The following CNTN4 variants were observed in gnomAD, a reference collection of about 807,000 sequenced individuals.
CNTN4 encodes the protein contactin-4.
In CNTN4, 77 loss-of-function variants were observed where a neutral mutation model predicts 122.5. The observed-to-expected ratio is 0.63, with a 90% CI of 0.52 to 0.76. The LOEUF (loss-of-function observed/expected upper bound fraction) is 0.76, where lower values mean the gene tolerates loss of function less well. CNTN4 is among the 30% of genes least tolerant of loss of function. CNTN4 has a pLI of 0.00. For missense variants in CNTN4, 1,256 were observed against 1,259.1 expected, an observed-to-expected ratio of 1.00 and a Z score of 0.04; for synonymous variants, 512 against 447.0, an observed-to-expected ratio of 1.15 and a Z score of -1.83.
intron 3 of CNTN4, among the ~76,000 whole-genome samples, chr3:2,394,760 A>T (rs992743041): frequency 6.7e-6 from 1 of 149,360 alleles, no homozygotes; most frequent in Non-Finnish European, 1.5e-5. Flanking sequence ...AATTGAAAAC[A>T]TGTCTACAAC....
At chr3:2,643,201 T>G (rs2082971891) in intron 4 of CNTN4, among the ~76,000 whole-genome samples, 1 of 152,020 alleles carries the variant, frequency 6.6e-6, no homozygotes. Flanking sequence ...TGAGATGGAG[T>G]CTCTCTCTGT....
chr3:2,380,637 T>C (rs6808240), intron 3 of CNTN4, among the ~76,000 whole-genome samples: 52,571 of 151,920 alleles, frequency 0.35, 10,088 homozygotes, highest in East Asian at 0.55. Flanking sequence ...ATTTACTACA[T>C]TGACTATTGC....
chr3:2,876,557 C>CAGGT (rs2093847125), intron 8 of CNTN4, among the ~76,000 whole-genome samples: 1 of 152,082 alleles, frequency 6.6e-6, no homozygotes, highest in Non-Finnish European at 1.5e-5. Context: ...CCAGCTAAGG[C>CAGGT]AGGTGTTGGC....
At chr3:2,561,491 G>A (rs1296183191) in intron 3 of CNTN4, among the ~76,000 whole-genome samples, 2 of 151,986 alleles carry the variant, frequency 1.3e-5, no homozygotes, top group African/African-American at 2.4e-5. Context: ...AAATCCAAGG[G>A]GTCATGGATT....
intron 7 of CNTN4, chr3:2,866,432 T>G (rs1240317664): frequency 1.7e-6 from 2 of 1,183,002 alleles, no homozygotes; most frequent in African/African-American, 3.2e-5. Context: ...TGAGCATTAC[T>G]CAATACATGT....
intron 4 of CNTN4, among the ~76,000 whole-genome samples, chr3:2,602,388 A>G (rs1361554449): frequency 5.3e-5 from 8 of 152,258 alleles, no homozygotes; most frequent in African/African-American, 1.9e-4. Flanking sequence ...GAAGAACTTC[A>G]GCAAAATCTC....
At chr3:2,422,803 A>T (rs1042884699) in intron 3 of CNTN4, among the ~76,000 whole-genome samples, 2 of 152,172 alleles carry the variant, frequency 1.3e-5, no homozygotes, top group African/African-American at 4.8e-5. Flanking sequence ...CATGGTTTCA[A>T]AGGGTTGCTT....
At chr3:2,811,750 C>T (rs1334808775) in intron 6 of CNTN4, among the ~76,000 whole-genome samples, 4 of 152,016 alleles carry the variant, frequency 2.6e-5, no homozygotes, top group African/African-American at 9.7e-5. Context: ...CTGCAACCTC[C>T]GCCTCCCAGG....
chr3:2,719,920 A>G (rs1454810387), intron 4 of CNTN4, among the ~76,000 whole-genome samples: 1 of 152,170 alleles, frequency 6.6e-6, no homozygotes, highest in African/African-American at 2.4e-5. Flanking sequence ...AGCTTATTCT[A>G]CATTCCAAGT....
intron 6 of CNTN4, among the ~76,000 whole-genome samples, chr3:2,786,237 A>G (rs1181019582): frequency 2.0e-5 from 3 of 152,164 alleles, no homozygotes; most frequent in Non-Finnish European, 4.4e-5. Context: ...ACCTGAGTGC[A>G]GGTGCAAGAG....
intron 3 of CNTN4, among the ~76,000 whole-genome samples, chr3:2,382,462 G>T (rs2046065609): frequency 6.6e-6 from 1 of 151,940 alleles, no homozygotes; most frequent in African/African-American, 2.4e-5. Flanking sequence ...GCCCTATTGT[G>T]ATTTGTTAGT....
At chr3:2,450,776 G>A (rs534955575) in intron 3 of CNTN4, among the ~76,000 whole-genome samples, 15 of 152,198 alleles carry the variant, frequency 9.9e-5, no homozygotes, top group Non-Finnish European at 1.8e-4. Context: ...TTGTCCCCAA[G>A]AAGAGTCAAC....
intron 3 of CNTN4, among the ~76,000 whole-genome samples, chr3:2,435,819 A>C (rs148473358): frequency 6.6e-6 from 1 of 152,310 alleles, no homozygotes; most frequent in East Asian, 1.9e-4. Flanking sequence ...ATTCTACAGA[A>C]ATCATTTTAT....
chr3:2,687,930 C>T (rs1199507698), intron 4 of CNTN4, among the ~76,000 whole-genome samples: 2 of 152,060 alleles, frequency 1.3e-5, no homozygotes, highest in Non-Finnish European at 2.9e-5. Context: ...AAGTTAATAT[C>T]ACAGGGAGGA....
chr3:2,392,190 A>T (rs756601703), intron 3 of CNTN4, among the ~76,000 whole-genome samples: 1 of 152,176 alleles, frequency 6.6e-6, no homozygotes, highest in Non-Finnish European at 1.5e-5. Context: ...AGGAAAAGTT[A>T]GTGTCAAGAA....
chr3:2,732,617 A>G (rs2088779311), intron 4 of CNTN4, among the ~76,000 whole-genome samples: 1 of 152,154 alleles, frequency 6.6e-6, no homozygotes, highest in African/African-American at 2.4e-5. Flanking sequence ...ACACAGAGAT[A>G]GAACAAACTT....
At chr3:2,667,943 T>G (rs2150348400) in intron 4 of CNTN4, among the ~76,000 whole-genome samples, 1 of 152,222 alleles carries the variant, frequency 6.6e-6, no homozygotes, top group South Asian at 2.1e-4. Context: ...TCTGTTCCAT[T>G]GGTCTATATG....
chr3:2,218,667 G>A (rs1047794675), intron 2 of CNTN4, among the ~76,000 whole-genome samples: 13 of 152,156 alleles, frequency 8.5e-5, no homozygotes, highest in East Asian at 1.9e-4. Flanking sequence ...TCTTACACAC[G>A]TATGTAGTAC....
At position 2,683,309 on chromosome 3, in the gene CNTN4, C is replaced by T. The variant is rs144633156; in HGVS notation, c.56-52906C>T. Among the ~76,000 whole-genome samples the T allele has an allele frequency of 4.8e-3, 694 of 144,118 alleles. 4 individuals are homozygous for T. Among genetic ancestry groups the T allele is most frequent in the African/African-American group, 0.018 (661 of 36,786 alleles). 94.5% of individuals were successfully genotyped at this position (144,118 alleles called of 152,430 possible). A position where few individuals can be genotyped will look rare whatever the true frequency, so the allele number is the denominator to read the frequency against. On this transcript the variant is annotated intron_variant, in intron 4 of 24. Transcript: ENST00000418658. ...TGATAGACCCTGCCCAAATCCACAT[C>T]TCTCACCTGCACACATGTACACACA...
Sources: allele counts gnomAD v4.1 joint callset (sites outside exome capture counted in the v4.1 genomes callset), GRCh38; gene constraint gnomAD v4.1.1; transcripts MANE v1.5; gene names NCBI Gene and HGNC (gene_info 2026-07-23, HGNC 2026-07-21).